Variants in LSAMP observed in about 807,000 individuals in gnomAD.
LSAMP encodes limbic system-associated membrane protein.
In LSAMP, 7 loss-of-function variants were observed where a neutral mutation model predicts 38.6. The observed-to-expected ratio is 0.18, with a 90% CI of 0.10 to 0.34. The LOEUF (loss-of-function observed/expected upper bound fraction) is 0.34, where lower values mean the gene tolerates loss of function less well. Ranked by LOEUF, LSAMP falls within the 10% of genes least tolerant of loss-of-function variation. The probability of loss-of-function intolerance (pLI) is 1.00; values close to 1 mark genes in which losing one functional copy is unlikely to be tolerated. For missense variants in LSAMP, 313 were observed against 420.0 expected (o/e 0.75, Z 2.23); for synonymous variants, 154 against 166.8 (o/e 0.92, Z 0.59).
chr3:116,349,362 A>G (rs1320512417), intron 1 of LSAMP, among the ~76,000 whole-genome samples: 1 of 151,992 alleles, frequency 6.6e-6, no homozygotes, highest in Non-Finnish European at 1.5e-5. Context: ...TATATTAGAT[A>G]TGTGTCTATT....
chr3:115,990,889 C>T (rs929860895), intron 3 of LSAMP, among the ~76,000 whole-genome samples: 1 of 151,894 alleles, frequency 6.6e-6, no homozygotes, highest in Admixed American at 6.6e-5. Context: ...TCTTGGATGG[C>T]CCCAGGAAAC....
intron 3 of LSAMP, among the ~76,000 whole-genome samples, chr3:115,979,615 A>G (rs1939300387): frequency 6.6e-6 from 1 of 152,102 alleles, no homozygotes; most frequent in African/African-American, 2.4e-5. Context: ...CTTAGAACAT[A>G]GTTTCTTCAT....
chr3:115,858,724 G>A (rs1426549395), intron 3 of LSAMP, among the ~76,000 whole-genome samples: 1 of 152,168 alleles, frequency 6.6e-6, no homozygotes, highest in Non-Finnish European at 1.5e-5. Context: ...GTGTATATGT[G>A]TGTATATTTG....
At chr3:115,837,522 A>G (rs1454008171) in intron 6 of LSAMP, among the ~76,000 whole-genome samples, 1 of 152,166 alleles carries the variant, frequency 6.6e-6, no homozygotes, top group African/African-American at 2.4e-5. Flanking sequence ...AGAGAAGCCA[A>G]TCATCGAACT....
At chr3:116,269,998 A>C (rs2107668717) in intron 1 of LSAMP, among the ~76,000 whole-genome samples, 1 of 152,276 alleles carries the variant, frequency 6.6e-6, no homozygotes, top group South Asian at 2.1e-4. Flanking sequence ...TTCAAGCTAA[A>C]CCATTTTTAA....
At chr3:116,251,049 C>T (rs932301932) in intron 1 of LSAMP, among the ~76,000 whole-genome samples, 18 of 152,198 alleles carry the variant, frequency 1.2e-4, no homozygotes, top group South Asian at 2.1e-4. Flanking sequence ...CATGTGCCCA[C>T]CTTGTTGTCA....
Position 115,802,420 on chromosome 3 carries a change from C to T in LSAMP, c.*7897G>A, listed in dbSNP as rs1933533505. On this transcript the variant is annotated 3_prime_UTR_variant, in exon 7 of 7. Coordinates refer to ENST00000490035, the MANE Select transcript of LSAMP (RefSeq NM_002338.5). ...CGTTTATTTCATTTTGTTTTAAGAT[C>T]ACAGAAGAGCAGAGCATTCATACGT... The T allele has an allele frequency of 6.6e-6, 1 of 151,844 alleles. No homozygotes were observed. The highest frequency in any genetic ancestry group is 6.6e-5 in the Admixed American group (1 of 15,222). The allele number at this position is 151,844 out of a possible 1,614,324, so 9.4% of individuals were successfully genotyped here.
chr3:115,950,209 A>T (rs1205091492), intron 3 of LSAMP, among the ~76,000 whole-genome samples: 1 of 152,194 alleles, frequency 6.6e-6, no homozygotes, highest in East Asian at 1.9e-4. Context: ...CTTCTATTCA[A>T]CATAGTACTG....
At chr3:115,819,474 G>A (rs1043404449) in intron 6 of LSAMP, among the ~76,000 whole-genome samples, 1 of 151,908 alleles carries the variant, frequency 6.6e-6, no homozygotes, top group African/African-American at 2.4e-5. Flanking sequence ...GGCATATTTT[G>A]ATCAGGGAAA....
rs548057112 is a variant in LSAMP, at chr3:115,974,170, C to T, written c.514+45345G>A. Among the ~76,000 whole-genome samples the T allele has an allele frequency of 3.1e-3, 475 of 151,882 alleles. 5 individuals are homozygous for T. The highest frequency in any genetic ancestry group is 0.011 in the African/African-American group (445 of 41,388). On this transcript the variant is annotated intron_variant, in intron 3 of 6. Coordinates refer to ENST00000490035, the MANE Select transcript of LSAMP (RefSeq NM_002338.5). ...GACCAGCCTGGCCAACAAGGTGAAA[C>T]CCCCCTCTACTAAAAATACAAAAAT...
Position 116,027,714 on chromosome 3 carries a change from A to T in LSAMP, c.389-8074T>A, listed in dbSNP as rs10439991. Among the ~76,000 whole-genome samples, 149 of 152,088 alleles carry T rather than the reference A, an allele frequency of 9.8e-4. 4 individuals carry two copies. The highest frequency in any genetic ancestry group is 8.5e-4 in the Admixed American group (13 of 15,260). ...CTTTAAAACAACCTTAGATCTACAA[A>T]GCCATTTAATTCCAGCTGTGAATGT... On this transcript the variant is annotated intron_variant, in intron 2 of 6. Transcript: ENST00000490035.
At chr3:115,971,049 C>T (rs1043140589) in intron 3 of LSAMP, among the ~76,000 whole-genome samples, 3 of 151,954 alleles carry the variant, frequency 2.0e-5, no homozygotes, top group South Asian at 2.1e-4. Flanking sequence ...CATGCCAGGG[C>T]GAGAAAGTTC....
At chr3:116,349,147 T>C (rs2048103617) in intron 1 of LSAMP, among the ~76,000 whole-genome samples, 1 of 152,016 alleles carries the variant, frequency 6.6e-6, no homozygotes, top group South Asian at 2.1e-4. Flanking sequence ...TTTAGAAAAG[T>C]TCTGCACTAA....
At position 115,860,670 on chromosome 3, in the gene LSAMP, C is replaced by T. The variant is rs117671956; in HGVS notation, c.515-8053G>A. On this transcript the variant is annotated intron_variant, in intron 3 of 6. Coordinates refer to ENST00000490035, the MANE Select transcript of LSAMP (RefSeq NM_002338.5). ...TCTTAACCATTTATTTTTAGGAGTC[C>T]CTCCATTAGCAATAAAAACCTATTG... is the stretch of plus-strand genomic sequence containing the variant. 1.2e-4 allele frequency among the ~76,000 whole-genome samples: 18 copies of T among 152,138 alleles called. No individual in the cohort carries two copies. The East Asian group carries it at 3.5e-3, about 29-fold the overall frequency.
At chr3:116,055,459 G>A (rs191768699) in intron 2 of LSAMP, among the ~76,000 whole-genome samples, 174 of 152,256 alleles carry the variant, frequency 1.1e-3, no homozygotes, top group Non-Finnish European at 1.8e-3. Context: ...GATTTGAGGA[G>A]TCTATTTAGA....
chr3:115,908,728 A>G (rs923847918), intron 3 of LSAMP, among the ~76,000 whole-genome samples: 4 of 152,178 alleles, frequency 2.6e-5, no homozygotes, highest in African/African-American at 9.6e-5. Flanking sequence ...TGCAAAAAGC[A>G]TTAGTTTTAA....
chr3:115,809,247 C>T lies in LSAMP; in HGVS notation c.*1070G>A, dbSNP rs570476841. 1 of 152,304 alleles carries T rather than the reference C, an allele frequency of 6.6e-6. No individual in the cohort carries two copies. The highest frequency in any genetic ancestry group is 1.9e-4 in the East Asian group (1 of 5,172). The allele number at this position is 152,304 out of a possible 1,614,324, so 9.4% of individuals were successfully genotyped here. On this transcript the variant is annotated 3_prime_UTR_variant, in exon 7 of 7. Coordinates refer to ENST00000490035, the MANE Select transcript of LSAMP (RefSeq NM_002338.5). Reference sequence around the variant, plus strand: ...TTGCTTACCCCATCGATAGTAGGCACTTTCATTTACAGTGATATTCTGAGT... The same window carrying T: ...TTGCTTACCCCATCGATAGTAGGCATTTTCATTTACAGTGATATTCTGAGT...
chr3:116,359,628 A>C (rs2048275632), intron 1 of LSAMP, among the ~76,000 whole-genome samples: 1 of 152,182 alleles, frequency 6.6e-6, no homozygotes, highest in African/African-American at 2.4e-5. Flanking sequence ...CAGGTTTGTT[A>C]CATAGGTAAG....
chr3:116,092,441 G>T (rs904738962), intron 1 of LSAMP, among the ~76,000 whole-genome samples: 1 of 152,100 alleles, frequency 6.6e-6, no homozygotes, highest in Non-Finnish European at 1.5e-5. Flanking sequence ...TGATTAGGAG[G>T]TTGCTCACGT....
Sources: gnomAD v4.1 joint callset for allele counts (sites outside exome capture counted in the v4.1 genomes callset) on GRCh38, gnomAD v4.1.1 for gene constraint, MANE v1.5 for transcripts, NCBI Gene and HGNC (gene_info 2026-07-23, HGNC 2026-07-21) for gene names.